PKP1: variants seen among roughly 807,000 people sequenced by gnomAD.
PKP1 encodes the protein plakophilin 1.
PKP1 carries 27 observed loss-of-function variants against 76.4 expected under a neutral mutation model. The observed-to-expected ratio is 0.35, with a 90% confidence interval of 0.26 to 0.49. The LOEUF is 0.49. Among genes scored for constraint, PKP1 ranks in the 20% least tolerant of loss-of-function variants. PKP1 has a pLI of 0.99. For missense variants in PKP1, 964 were observed against 955.2 expected (o/e 1.01, Z -0.12); for synonymous variants, 404 against 384.2 (o/e 1.05, Z -0.60).
intron 7 of PKP1, among the ~76,000 whole-genome samples, 191 bp downstream of exon 7, chr1:201,320,572 T>A (rs1180205256): frequency 6.6e-6 from 1 of 152,142 alleles, no homozygotes; most frequent in Admixed American, 6.5e-5. Context: ...GCAAATCCAC[T>A]CTCCCTCACT....
intron 2 of PKP1, among the ~76,000 whole-genome samples, chr1:201,312,589 G>A (rs764075253): frequency 2.0e-5 from 3 of 152,202 alleles, no homozygotes; most frequent in East Asian, 3.8e-4. Context: ...CAGCACCCAC[G>A]TAAAGAAACA....
At chr1:201,318,584 G>A (rs1656840863) in intron 5 of PKP1, 34 bp from the exon 6 acceptor site, 4 of 1,606,924 alleles carry the variant, frequency 2.5e-6, no homozygotes, top group Admixed American at 1.7e-5. Flanking sequence ...TCCTGAGCCT[G>A]GCACAAATTG....
At chr1:201,287,159 A>C (rs184775084) in intron 1 of PKP1, among the ~76,000 whole-genome samples, 1 of 152,258 alleles carries the variant, frequency 6.6e-6, no homozygotes, top group Non-Finnish European at 1.5e-5. Flanking sequence ...TCTTCATAGA[A>C]GTACTGTTTC....
At chr1:201,319,471 G>A (rs144822997) in intron 6 of PKP1, among the ~76,000 whole-genome samples, 6 of 152,342 alleles carry the variant, frequency 3.9e-5, no homozygotes, top group African/African-American at 1.2e-4. Context: ...TCCCCCCAGA[G>A]TGGTGGGTGC....
rs142169193 is a variant in PKP1 at position 201,318,665 on chromosome 1, A to G, written c.1102A>G (p.Ile368Val). 102 of 1,612,194 alleles carry G rather than the reference A, an allele frequency of 6.3e-5. No individual in the cohort carries two copies. Among genetic ancestry groups the G allele is most frequent in the Admixed American group, 8.3e-5 (5 of 60,000 alleles). The change falls in exon 6 of 14, where the codon ATT (isoleucine) becomes GTT (valine). Residue 368 changes from isoleucine (I) to valine (V), a missense_variant. By Grantham distance (29) the Ile-to-Val change is conservative (BLOSUM62 3). Transcript: ENST00000367324. ...CACTGACGAGCTGAAGGAGGAACTCATTGCCGACGCCCTGCCTGTTCTGGC... is the reference window on the plus strand; with the variant it reads ...CACTGACGAGCTGAAGGAGGAACTCGTTGCCGACGCCCTGCCTGTTCTGGC... Reference protein sequence around the residue: ...SSTDELKEELIADALPVLADR... With the variant: ...SSTDELKEELVADALPVLADR...
intron 1 of PKP1, among the ~76,000 whole-genome samples, chr1:201,289,488 A>G (rs1655837774): frequency 6.6e-6 from 1 of 152,148 alleles, no homozygotes; most frequent in African/African-American, 2.4e-5. Context: ...GAAGGATTTG[A>G]GGGGAGGGAA....
At chr1:201,298,162 A>G (rs1656126707) in intron 2 of PKP1, among the ~76,000 whole-genome samples, 1 of 152,192 alleles carries the variant, frequency 6.6e-6, no homozygotes, top group Non-Finnish European at 1.5e-5. Flanking sequence ...TTCTGGTGAG[A>G]AAAGGAGGAT....
At chr1:201,292,565 C>A (rs926862105) in intron 1 of PKP1, among the ~76,000 whole-genome samples, 1 of 152,158 alleles carries the variant, frequency 6.6e-6, no homozygotes, top group Admixed American at 6.5e-5. Flanking sequence ...TCCAAAGCTG[C>A]CCCTTGGCTA....
At position 201,316,623 on chromosome 1, in the gene PKP1, G is replaced by C; in HGVS notation, c.772G>C (p.Asp258His). Reference protein sequence around the residue: ...PKAVQYLSSQDEKYQAIGAYY... With the variant: ...PKAVQYLSSQHEKYQAIGAYY... The stretch of plus-strand genomic sequence containing the variant: ...GGCTGTGCAGTACCTGAGCTCCCAG[G>C]ATGAGAAGTACCAGGCCATTGGGGC... Residue 258 changes from aspartate (D) to histidine (H), a missense_variant, in exon 4 of 14, where the codon GAT (aspartate) becomes CAT (histidine). Coordinates refer to ENST00000367324, the MANE Select transcript of PKP1 (RefSeq NM_001005337.3). The C allele has an allele frequency of 3.1e-6, 5 of 1,613,416 alleles. No homozygotes were observed. Among genetic ancestry groups the C allele is most frequent in the Middle Eastern group, 1.7e-4 (1 of 6,026 alleles).
chr1:201,316,348 A>G, intron 3 of PKP1: 1 of 594,676 alleles, frequency 1.7e-6, no homozygotes, highest in South Asian at 2.1e-5. Flanking sequence ...CACATGGGGC[A>G]AATCCAGTGG....
intron 2 of PKP1, among the ~76,000 whole-genome samples, chr1:201,312,308 A>G (rs78016266): frequency 1.3e-5 from 2 of 152,294 alleles, no homozygotes; most frequent in Non-Finnish European, 2.9e-5. Context: ...GCCAGAATAG[A>G]AGTTTCTGTG....
intron 1 of PKP1, among the ~76,000 whole-genome samples, chr1:201,284,120 G>A (rs1226476883): frequency 1.3e-5 from 2 of 152,244 alleles, no homozygotes; most frequent in South Asian, 4.1e-4. Context: ...GGCCCCGCGA[G>A]CTCGATGGCG....
intron 2 of PKP1, among the ~76,000 whole-genome samples, chr1:201,303,601 T>C (rs1656294186): frequency 6.6e-6 from 1 of 152,234 alleles, no homozygotes; most frequent in East Asian, 1.9e-4. Flanking sequence ...AGAAAAGTTT[T>C]ATTTTTTTGT....
chr1:201,298,297 G>A (rs1351256020), intron 2 of PKP1, among the ~76,000 whole-genome samples: 1 of 152,226 alleles, frequency 6.6e-6, no homozygotes, highest in Non-Finnish European at 1.5e-5. Context: ...CAACTCCAAA[G>A]CTGAAAACAG....
intron 2 of PKP1, among the ~76,000 whole-genome samples, chr1:201,298,365 T>A (rs756120719): frequency 6.6e-6 from 1 of 152,194 alleles, no homozygotes; most frequent in Non-Finnish European, 1.5e-5. Context: ...AATTTTGATT[T>A]CCAGGGAATG....
At chr1:201,322,766 C>T (rs1656986512) in intron 8 of PKP1, among the ~76,000 whole-genome samples, 1 of 152,222 alleles carries the variant, frequency 6.6e-6, no homozygotes, top group Admixed American at 6.5e-5. Context: ...AGGATGCTCT[C>T]TTCTCCCACA....
chr1:201,310,004 T>G (rs1182502441), intron 2 of PKP1, among the ~76,000 whole-genome samples: 1 of 152,260 alleles, frequency 6.6e-6, no homozygotes, highest in Non-Finnish European at 1.5e-5. Context: ...ACCCATTCTA[T>G]GTCTGTGGGG....
intron 2 of PKP1, among the ~76,000 whole-genome samples, chr1:201,311,635 C>A (rs1393432388): frequency 6.7e-6 from 1 of 149,452 alleles, no homozygotes; most frequent in Non-Finnish European, 1.5e-5. Context: ...GTGGCTAGAT[C>A]TGGTGCAGAA....
chr1:201,311,923 G>A (rs1312383246), intron 2 of PKP1, among the ~76,000 whole-genome samples: 5 of 152,206 alleles, frequency 3.3e-5, no homozygotes, highest in South Asian at 2.1e-4. Context: ...GAACTGATTC[G>A]CACCAAGTCT....
Sources: allele counts gnomAD v4.1 joint callset (sites outside exome capture counted in the v4.1 genomes callset), GRCh38; gene constraint gnomAD v4.1.1; transcripts MANE v1.5; gene names NCBI Gene and HGNC (gene_info 2026-07-23, HGNC 2026-07-21).